Variants in MYOZ2 observed in about 807,000 individuals in gnomAD.
MYOZ2 encodes the protein myozenin-2.
In MYOZ2, 19 loss-of-function variants were observed where a neutral mutation model predicts 25.4. That is an observed-to-expected ratio of 0.75 (90% confidence interval 0.52 to 1.10). The LOEUF (loss-of-function observed/expected upper bound fraction) is 1.10, where lower values mean the gene tolerates loss of function less well. Among genes scored for constraint, MYOZ2 ranks in the 50% least tolerant of loss-of-function variants. The pLI, the probability that MYOZ2 is intolerant of heterozygous loss-of-function variation, is 0.00. For missense variants in MYOZ2, 270 were observed against 317.9 expected (o/e 0.85, Z 1.15); for synonymous variants, 92 against 106.9 (o/e 0.86, Z 0.86).
chr4:119,177,512 A>C (rs1327055176), intron 5 of MYOZ2, among the ~76,000 whole-genome samples: 3 of 152,166 alleles, frequency 2.0e-5, no homozygotes, highest in African/African-American at 7.2e-5. Context: ...TCTTCTCAAC[A>C]TGGGATGTTT....
At chr4:119,149,909 G>T (rs1741408464) in intron 2 of MYOZ2, among the ~76,000 whole-genome samples, 1 of 152,074 alleles carries the variant, frequency 6.6e-6, no homozygotes, top group African/African-American at 2.4e-5. Flanking sequence ...TATCCCAAAA[G>T]CTTAATTGTT....
chr4:119,146,865 T>A (rs1353311386), intron 2 of MYOZ2, among the ~76,000 whole-genome samples: 2 of 152,204 alleles, frequency 1.3e-5, no homozygotes, highest in African/African-American at 4.8e-5. Context: ...CTTTTAGTTC[T>A]ACTTTTTTAC....
chr4:119,157,976 TTACA>T, intron 3 of MYOZ2, 42 bp from the exon 4 acceptor site: 1 of 1,609,398 alleles, frequency 6.2e-7, no homozygotes, highest in Non-Finnish European at 8.5e-7. Context: ...ATTATTGTGC[TTACA>T]TTTTTGAGTT....
chr4:119,136,429 T>C, intron 1 of MYOZ2, 83 bp from the exon 2 acceptor site: 1 of 1,192,680 alleles, frequency 8.4e-7, no homozygotes, highest in Admixed American at 1.8e-5. Flanking sequence ...AGAACAAAGA[T>C]GTTGTCTTTC....
intron 3 of MYOZ2, 111 bp from the exon 4 acceptor site, chr4:119,157,911 C>T (rs562579980): frequency 2.0e-5 from 27 of 1,338,454 alleles, no homozygotes; most frequent in South Asian, 5.0e-5. Context: ...AGTAATGAAG[C>T]GACATTGCAT....
intron 4 of MYOZ2, among the ~76,000 whole-genome samples, chr4:119,161,231 T>C (rs1223415100): frequency 1.3e-5 from 2 of 152,144 alleles, no homozygotes; most frequent in Non-Finnish European, 2.9e-5. Flanking sequence ...AGAAAATGTC[T>C]ATGCAATATA....
intron 5 of MYOZ2, among the ~76,000 whole-genome samples, chr4:119,174,987 A>G (rs568212807): frequency 1.3e-5 from 2 of 152,224 alleles, no homozygotes; most frequent in South Asian, 4.2e-4. Context: ...CTCCTGAGCC[A>G]GTGAGACCAT....
At chr4:119,161,851 C>T (rs913276560) in intron 4 of MYOZ2, among the ~76,000 whole-genome samples, 8 of 151,904 alleles carry the variant, frequency 5.3e-5, no homozygotes, top group African/African-American at 7.3e-5. Context: ...GTGATCATTA[C>T]GTTTATGGGT....
At chr4:119,157,331 A>G (rs1449660794) in intron 3 of MYOZ2, among the ~76,000 whole-genome samples, 1 of 152,170 alleles carries the variant, frequency 6.6e-6, no homozygotes, top group Non-Finnish European at 1.5e-5. Flanking sequence ...TTTTCTTAAA[A>G]TGCAAACTGA....
In MYOZ2 at chr4:119,150,928, G is replaced by A. The variant is rs562518581; in HGVS notation, c.133G>A (p.Glu45Lys). The change falls in exon 3 of 6, where the codon GAA becomes AAA. Residue 45 changes from glutamate to lysine, a missense_variant. By Grantham distance (56) the Glu-to-Lys change is moderately conservative (BLOSUM62 1). Coordinates refer to ENST00000307128, the MANE Select transcript of MYOZ2 (RefSeq NM_016599.5). ...CAGCATCCCCAGAGACATCATGTTG[G>A]AAGAATTATCCCATCTCAGTAACCG... is the stretch of plus-strand genomic sequence containing the variant. ...KVSIPRDIML[E>K]ELSHLSNRGA... is the part of the protein sequence containing the mutation. 1 of 1,613,876 alleles carries A rather than the reference G, an allele frequency of 6.2e-7. No individual in the cohort carries two copies. The highest frequency in any genetic ancestry group is 2.2e-5 in the East Asian group (1 of 44,842).
At chr4:119,155,288 A>T (rs1263972836) in intron 3 of MYOZ2, among the ~76,000 whole-genome samples, 1 of 152,178 alleles carries the variant, frequency 6.6e-6, no homozygotes, top group Non-Finnish European at 1.5e-5. Flanking sequence ...ACAAATATCC[A>T]AATCACATCA....
In MYOZ2 at chr4:119,158,111, A is replaced by G. The variant is rs774333721; in HGVS notation, c.336A>G (p.Pro112=). The change falls in exon 4 of 6, where the codon CCA becomes CCG. Residue 112 remains proline (P), a synonymous_variant. Coordinates refer to ENST00000307128, the MANE Select transcript of MYOZ2 (RefSeq NM_016599.5). ...QQAPLTPPNT[P]DPRSPPNPDN... is the part of the protein sequence containing the mutation. ...CCCCCTTGACTCCTCCCAACACCCCAGATCCACGAAGCCCTCCAAATCCAG... is the reference window on the plus strand; with the variant it reads ...CCCCCTTGACTCCTCCCAACACCCCGGATCCACGAAGCCCTCCAAATCCAG... 82 of 1,613,972 alleles carry G rather than the reference A, an allele frequency of 5.1e-5. 4 individuals carry two copies. The South Asian group carries it at 8.8e-4, about 17-fold the overall frequency.
intron 5 of MYOZ2, among the ~76,000 whole-genome samples, chr4:119,175,090 A>G (rs1742036351): frequency 6.6e-6 from 1 of 152,108 alleles, no homozygotes; most frequent in African/African-American, 2.4e-5. Context: ...ACACTCACCG[A>G]GAGGGTCCGC....
chr4:119,157,859 C>T (rs574837207), intron 3 of MYOZ2, among the ~76,000 whole-genome samples, 163 bp from the exon 4 acceptor site: 16 of 152,114 alleles, frequency 1.1e-4, no homozygotes, highest in South Asian at 4.2e-4. Context: ...CATTCAAGTG[C>T]GCAACCATCT....
chr4:119,174,996 A>G (rs1742031697), intron 5 of MYOZ2, among the ~76,000 whole-genome samples: 2 of 152,102 alleles, frequency 1.3e-5, no homozygotes, highest in South Asian at 2.1e-4. Flanking sequence ...CAGTGAGACC[A>G]TGAACCCACC....
At chr4:119,158,514 T>C (rs1741636237) in intron 4 of MYOZ2, among the ~76,000 whole-genome samples, 1 of 152,036 alleles carries the variant, frequency 6.6e-6, no homozygotes, top group South Asian at 2.1e-4. Flanking sequence ...ATCACACCAC[T>C]GCACTCCATC....
At chr4:119,165,031 C>A (rs1462923901) in intron 5 of MYOZ2, among the ~76,000 whole-genome samples, 2 of 150,510 alleles carry the variant, frequency 1.3e-5, no homozygotes, top group Non-Finnish European at 3.0e-5. Context: ...ATTATTTGAT[C>A]ACTTGACCTT....
At chr4:119,146,524 T>C (rs1283978458) in intron 2 of MYOZ2, among the ~76,000 whole-genome samples, 1 of 152,114 alleles carries the variant, frequency 6.6e-6, no homozygotes, top group Non-Finnish European at 1.5e-5. Context: ...TCCAAGTGTT[T>C]GGAGATTTTC....
Position 119,164,256 on chromosome 4 carries a change from C to T in MYOZ2, c.422C>T (p.Thr141Ile), listed in dbSNP as rs771752923. 1.2e-6 allele frequency: 2 copies of T among 1,614,024 alleles called. No individual in the cohort carries two copies. The highest frequency in any genetic ancestry group is 2.2e-5 in the South Asian group (2 of 91,080). ...LKEIPPEKFN[T>I]TAVPKYYQSP... is the part of the protein sequence containing the mutation. ...GAAATTCCTCCTGAAAAATTCAACA[C>T]CACAGCTGTCCCTAAGTACTATCAA... Residue 141 changes from threonine to isoleucine, a missense_variant, in exon 5 of 6, where the codon ACC (threonine) becomes ATC (isoleucine). Coordinates refer to ENST00000307128, the MANE Select transcript of MYOZ2 (RefSeq NM_016599.5).
Sources: gnomAD v4.1 joint callset for allele counts (sites outside exome capture counted in the v4.1 genomes callset) on GRCh38, gnomAD v4.1.1 for gene constraint, MANE v1.5 for transcripts, NCBI Gene and HGNC (gene_info 2026-07-23, HGNC 2026-07-21) for gene names.